Variants in SLC36A3 observed in about 807,000 individuals in gnomAD.
SLC36A3 encodes the protein proton-coupled amino acid transporter 3.
A neutral mutation model predicts 44.3 loss-of-function variants in SLC36A3; 35 were observed. The observed-to-expected ratio is 0.79, with a 90% CI of 0.60 to 1.05. SLC36A3 has a LOEUF of 1.05. Ranked by LOEUF, SLC36A3 falls within the 50% of genes least tolerant of loss-of-function variation. The pLI is 0.00. For synonymous variants in SLC36A3, 211 were observed against 227.6 expected, an observed-to-expected ratio of 0.93 and a Z score of 0.66; for missense variants, 540 against 578.7, an observed-to-expected ratio of 0.93 and a Z score of 0.69.
intron 4 of SLC36A3, among the ~76,000 whole-genome samples, chr5:151,290,861 C>T (rs1754734584): frequency 6.6e-6 from 1 of 151,268 alleles, no homozygotes; most frequent in African/African-American, 2.5e-5. Flanking sequence ...CGCCACTGCA[C>T]TCCAGACTCT....
At chr5:151,296,822 T>A (rs1754978210) in intron 2 of SLC36A3, 1 of 155,638 alleles carries the variant, frequency 6.4e-6, no homozygotes, top group Admixed American at 6.4e-5. Context: ...ACCAAAAATG[T>A]CTGTAGAGAT....
intron 9 of SLC36A3, among the ~76,000 whole-genome samples, chr5:151,280,622 G>A (rs1322727389): frequency 6.6e-6 from 1 of 152,192 alleles, no homozygotes; most frequent in Non-Finnish European, 1.5e-5. Flanking sequence ...TCAAATCCCA[G>A]CTTTGTCACT....
Position 151,280,865 on chromosome 5 carries a change from T to TC in SLC36A3, c.1144+148dup. ...GGTAATTCTGTTAAGCCCTTTTTTTTCACGTGGAAAAATTGAGGTCCAGGG... is the reference window on the plus strand; with the variant it reads ...GGTAATTCTGTTAAGCCCTTTTTTTTCCACGTGGAAAAATTGAGGTCCAGGG... On this transcript the variant is annotated intron_variant, in intron 9 of 9. Transcript: ENST00000335230. 4 of 783,000 alleles carry TC rather than the reference T, an allele frequency of 5.1e-6. 1 individual carries two copies. The South Asian group carries it at 7.3e-5, about 14-fold the overall frequency. The allele number at this position is 783,000 out of a possible 1,614,324, so 48.5% of individuals were successfully genotyped here. A position where few individuals can be genotyped will look rare whatever the true frequency, so the allele number is the denominator to read the frequency against.
chr5:151,277,663 T>G lies in SLC36A3; in HGVS notation c.1145-2A>C. On this transcript the variant is annotated splice_acceptor_variant, in intron 9 of 9. Transcript: ENST00000335230. LOFTEE classifies it high-confidence loss of function. ...GGGGGATGAGGATGGCTGAGACACC[T>G]GCAATGAAAGGAGATATTTAGAATC... 1 of 1,613,296 alleles carries G rather than the reference T, an allele frequency of 6.2e-7. No individual in the cohort carries two copies. Among genetic ancestry groups the G allele is most frequent in the Non-Finnish European group, 8.5e-7 (1 of 1,179,638 alleles).
intron 1 of SLC36A3, among the ~76,000 whole-genome samples, chr5:151,299,248 CTCTCTCTCTCTCTCTCTATATATATATA>C (rs1259784828): frequency 2.1e-5 from 2 of 95,180 alleles, no homozygotes; most frequent in Non-Finnish European, 4.1e-5. Flanking sequence ...CTCTCTCTCT[CTCTCTCTCTCTCTCTCTATATATATATA>C]TATATATATA....
At chr5:151,287,003 G>A (rs954119795) in intron 6 of SLC36A3, among the ~76,000 whole-genome samples, 36 of 151,818 alleles carry the variant, frequency 2.4e-4, no homozygotes, top group Non-Finnish European at 4.7e-4. Flanking sequence ...TTTGTTGAAT[G>A]ACCCATTATT....
chr5:151,292,162 A>G (rs1754783233), intron 4 of SLC36A3, among the ~76,000 whole-genome samples: 1 of 152,306 alleles, frequency 6.6e-6, no homozygotes, highest in South Asian at 2.1e-4. Flanking sequence ...CACATGGCCA[A>G]GGAATGGGCA....
chr5:151,284,662 A>C lies in SLC36A3; in HGVS notation c.758T>G (p.Phe253Cys). Residue 253 changes from phenylalanine (F) to cysteine (C), a missense_variant, in exon 7 of 10, where the codon TTC (phenylalanine) becomes TGC (cysteine). Phe to Cys is a radical substitution (Grantham distance 205). Transcript: ENST00000335230. ...GATGGCTGTACCAAAGAACAGCAAG[A>C]AGGTCTTCCAGTTTGCCATCAAGGG... ...NLPLMANWKT[F>C]LLFFGTAIFT... 2 of 1,613,548 alleles carry C rather than the reference A, an allele frequency of 1.2e-6. No homozygotes were observed. Among genetic ancestry groups the C allele is most frequent in the Non-Finnish European group, 1.7e-6 (2 of 1,179,610 alleles).
At chr5:151,279,174 A>G (rs554929469) in intron 9 of SLC36A3, among the ~76,000 whole-genome samples, 1 of 151,310 alleles carries the variant, frequency 6.6e-6, no homozygotes, top group African/African-American at 2.4e-5. Context: ...CTGAAGTGTC[A>G]CTCCACTGGA....
intron 4 of SLC36A3, among the ~76,000 whole-genome samples, chr5:151,291,572 C>T (rs1407973962): frequency 6.6e-6 from 1 of 152,016 alleles, no homozygotes; most frequent in African/African-American, 2.4e-5. Flanking sequence ...TCCTCTATCC[C>T]CCGTGCTTCC....
In SLC36A3 at chr5:151,291,234, G is replaced by GAGAT. The variant is rs1411256891; in HGVS notation, c.404+2129_404+2130insATCT. 5.9e-5 allele frequency among the ~76,000 whole-genome samples: 9 copies of GAGAT among 152,148 alleles called. No homozygotes were observed. The East Asian group carries it at 1.7e-3, about 29-fold the overall frequency. On this transcript the variant is annotated intron_variant, in intron 4 of 9. Transcript: ENST00000335230. ...TGGTCTCAAGAGATCCTCCCACCTT[G>GAGAT]ACCTCTCAAGGTGTTGGGATTACAG...
At chr5:151,288,228 T>A (rs1017400925) in intron 5 of SLC36A3, among the ~76,000 whole-genome samples, 158 bp downstream of exon 5, 1 of 152,222 alleles carries the variant, frequency 6.6e-6, no homozygotes, top group African/African-American at 2.4e-5. Flanking sequence ...TTTCAAAATG[T>A]GATTCCCAGG....
Position 151,293,375 on chromosome 5 carries a change from T to C in SLC36A3, c.393A>G (p.Ala131=), listed in dbSNP as rs760547682. ...TCPNTWLRAH[A]VWGRYTVSFL... is the part of the protein sequence containing the mutation. The stretch of plus-strand genomic sequence containing the variant: ...TCTGTGACTACTACCTTCCCCACAC[T>C]GCATGGGCCCTCAGCCAGGTGTTCG... Residue 131 remains alanine (A), a synonymous_variant, in exon 4 of 10, where the codon GCA becomes GCG. Transcript: ENST00000335230. 7.4e-6 allele frequency: 12 copies of C among 1,613,408 alleles called. No homozygotes were observed. The highest frequency in any genetic ancestry group is 3.3e-4 in the Middle Eastern group (2 of 6,078).
At chr5:151,281,679 G>T (rs986092762) in intron 8 of SLC36A3, among the ~76,000 whole-genome samples, 1 of 152,078 alleles carries the variant, frequency 6.6e-6, no homozygotes, top group Non-Finnish European at 1.5e-5. Flanking sequence ...TTAGCTGGGC[G>T]TGGTGGCATG....
intron 1 of SLC36A3, 66 bp from the exon 2 acceptor site, chr5:151,298,749 A>C: frequency 2.6e-6 from 4 of 1,540,304 alleles, no homozygotes; most frequent in Non-Finnish European, 3.6e-6. Flanking sequence ...CCAGAAACTC[A>C]GCCTCCTTCT....
intron 4 of SLC36A3, 74 bp downstream of exon 4, chr5:151,293,290 C>A: frequency 1.6e-6 from 2 of 1,288,062 alleles, no homozygotes; most frequent in Non-Finnish European, 2.2e-6. Flanking sequence ...TCATTTAAAA[C>A]CTGTGTAAGT....
In SLC36A3 at chr5:151,277,191, C is replaced by T. The variant is rs1024962258; in HGVS notation, c.*202G>A. On this transcript the variant is annotated 3_prime_UTR_variant, in exon 10 of 10. Transcript: ENST00000335230. Reference sequence around the variant, plus strand: ...AATTTTGGTTCAGAGGTACAAAAGGCCATCCAAAAAATATAAAACCAAAAG... The same window carrying T: ...AATTTTGGTTCAGAGGTACAAAAGGTCATCCAAAAAATATAAAACCAAAAG... 1.3e-5 allele frequency: 9 copies of T among 667,716 alleles called. No homozygotes were observed. Among genetic ancestry groups the T allele is most frequent in the South Asian group, 2.4e-5 (1 of 41,290 alleles). The allele number at this position is 667,716 out of a possible 1,614,324, so 41.4% of individuals were successfully genotyped here.
In SLC36A3 at chr5:151,287,278, T is replaced by G. The variant is rs768200383; in HGVS notation, c.676A>C (p.Ser226Arg). ...ATATACTCAAAGATCAGAGCCATGC[T>G]CCCAAGGGTGGTGATGTTGGCCAAT... The part of the protein sequence containing the change: ...STLANITTLG[S>R]MALIFEYIME... Residue 226 changes from serine (S) to arginine (R), a missense_variant, in exon 6 of 10, where the codon AGC becomes CGC. Coordinates refer to ENST00000335230, the MANE Select transcript of SLC36A3 (RefSeq NM_181774.4). The G allele has an allele frequency of 4.6e-5, 75 of 1,614,002 alleles. No individual in the cohort carries two copies. The highest frequency in any genetic ancestry group is 6.3e-5 in the Non-Finnish European group (74 of 1,180,036).
Position 151,300,939 on chromosome 5 carries a change from C to T in SLC36A3, c.129-2256G>A, listed in dbSNP as rs115539199. On this transcript the variant is annotated intron_variant, in intron 1 of 9. Coordinates refer to ENST00000335230, the MANE Select transcript of SLC36A3 (RefSeq NM_181774.4). ...TCTGTATGAATAAATGTGCTACACA[C>T]TTTCCATGTCCATACATTTCCTCCA... 2.6e-3 allele frequency among the ~76,000 whole-genome samples: 390 copies of T among 152,362 alleles called. 5 individuals carry two copies. The highest frequency in any genetic ancestry group is 9.1e-3 in the African/African-American group (377 of 41,578).
Sources: gnomAD v4.1 joint callset for allele counts (sites outside exome capture counted in the v4.1 genomes callset) on GRCh38, gnomAD v4.1.1 for gene constraint, MANE v1.5 for transcripts, NCBI Gene and HGNC (gene_info 2026-07-23, HGNC 2026-07-21) for gene names.